The following OSBPL8 variants were observed in gnomAD, a reference collection of about 807,000 sequenced individuals.
OSBPL8 encodes oxysterol-binding protein-related protein 8.
Under a neutral mutation model 125.5 loss-of-function variants are expected in OSBPL8, and 59 were observed. The observed-to-expected ratio is 0.47, with a 90% CI of 0.38 to 0.58. OSBPL8 has a LOEUF of 0.58. Among genes scored for constraint, OSBPL8 ranks in the 20% least tolerant of loss-of-function variants. The pLI is 0.00. For synonymous variants in OSBPL8, 330 were observed against 338.9 expected (o/e 0.97, Z 0.29); for missense variants, 758 against 1,047.8 (o/e 0.72, Z 3.82).
At chr12:76,449,038 T>C (rs899089313) in intron 4 of OSBPL8, among the ~76,000 whole-genome samples, 5 of 151,962 alleles carry the variant, frequency 3.3e-5, no homozygotes, top group Admixed American at 1.3e-4. Flanking sequence ...AAGTAGAAAA[T>C]GATCATGTAA....
At position 76,389,782 on chromosome 12, in the gene OSBPL8, G is replaced by A. The variant is rs748495928; in HGVS notation, c.1215C>T (p.Ser405=). The A allele has an allele frequency of 9.5e-6, 15 of 1,575,112 alleles. No homozygotes were observed. The highest frequency in any genetic ancestry group is 1.3e-5 in the Non-Finnish European group (15 of 1,159,446). ...QTETVSEENK[S]LIWTLLKQVR... Reference sequence around the variant, plus strand: ...CTTGTTTCAATAGTGTCCAGATAAGGCTTTTGTTTTCTTCAGATACAGTTT... The same window carrying A: ...CTTGTTTCAATAGTGTCCAGATAAGACTTTTGTTTTCTTCAGATACAGTTT... The change falls in exon 12 of 24, where the codon AGC becomes AGT. Residue 405 remains serine, a synonymous_variant. Transcript: ENST00000261183.
intron 2 of OSBPL8, among the ~76,000 whole-genome samples, chr12:76,463,365 G>C (rs980021447): frequency 6.6e-6 from 1 of 152,202 alleles, no homozygotes; most frequent in African/African-American, 2.4e-5. Flanking sequence ...AAGATAGTGA[G>C]AGCAGCTAGT....
intron 1 of OSBPL8, among the ~76,000 whole-genome samples, chr12:76,548,867 G>A (rs1392558666): frequency 6.6e-6 from 1 of 151,998 alleles, no homozygotes; most frequent in Non-Finnish European, 1.5e-5. Flanking sequence ...AGGCACATAA[G>A]GAAAACTGAG....
intron 1 of OSBPL8, among the ~76,000 whole-genome samples, chr12:76,487,856 C>T (rs1000890296): frequency 6.6e-6 from 1 of 151,896 alleles, no homozygotes; most frequent in African/African-American, 2.4e-5. Flanking sequence ...CATGAGACTG[C>T]CTAAAATTTG....
intron 5 of OSBPL8, among the ~76,000 whole-genome samples, chr12:76,403,757 C>T (rs936077099): frequency 2.0e-5 from 3 of 152,134 alleles, no homozygotes; most frequent in African/African-American, 4.8e-5. Flanking sequence ...AAATGTTGAG[C>T]GGCCAGATGT....
At chr12:76,465,301 C>G (rs1229441874) in intron 2 of OSBPL8, among the ~76,000 whole-genome samples, 1 of 152,158 alleles carries the variant, frequency 6.6e-6, no homozygotes, top group South Asian at 2.1e-4. Flanking sequence ...TGGCTCACGC[C>G]TGTAATCCCA....
chr12:76,522,971 G>T (rs1950065668), intron 1 of OSBPL8, among the ~76,000 whole-genome samples: 1 of 152,162 alleles, frequency 6.6e-6, no homozygotes, highest in African/African-American at 2.4e-5. Flanking sequence ...CCAAGTAGCT[G>T]CGACTACAGG....
At chr12:76,460,080 A>T (rs1874532874) in intron 2 of OSBPL8, among the ~76,000 whole-genome samples, 185 bp from the exon 3 acceptor site, 1 of 152,242 alleles carries the variant, frequency 6.6e-6, no homozygotes, top group Non-Finnish European at 1.5e-5. Flanking sequence ...CCTTTTCCAC[A>T]CACAAAAAAA....
chr12:76,402,282 T>C (rs1255247289), intron 6 of OSBPL8, among the ~76,000 whole-genome samples: 1 of 152,190 alleles, frequency 6.6e-6, no homozygotes, highest in Non-Finnish European at 1.5e-5. Context: ...AATTAACTGT[T>C]GGGTCAAAAT....
intron 21 of OSBPL8, among the ~76,000 whole-genome samples, chr12:76,362,126 A>T (rs1241843441): frequency 1.3e-5 from 2 of 152,202 alleles, no homozygotes; most frequent in African/African-American, 4.8e-5. Flanking sequence ...GAGGCTTAAA[A>T]TTTTGTAACA....
intron 1 of OSBPL8, among the ~76,000 whole-genome samples, chr12:76,526,891 T>A (rs79080645): frequency 6.6e-6 from 1 of 151,992 alleles, no homozygotes; most frequent in East Asian, 1.9e-4. Flanking sequence ...CCTCAGGTGA[T>A]CCACCGTCTC....
chr12:76,432,332 T>C (rs1299112076), intron 4 of OSBPL8, among the ~76,000 whole-genome samples: 1 of 152,104 alleles, frequency 6.6e-6, no homozygotes, highest in Non-Finnish European at 1.5e-5. Flanking sequence ...ATGACTATAA[T>C]CCCAGCACTT....
rs146378911 is a variant in OSBPL8 at position 76,378,263 on chromosome 12, A to G, written c.1729+189T>C. 6.6e-3 allele frequency among the ~76,000 whole-genome samples: 1,003 copies of G among 152,154 alleles called. 6 individuals are homozygous for G. The highest frequency in any genetic ancestry group is 0.037 in the Middle Eastern group (11 of 294). ...GTACACATCACAAAGAGTCCATTAC[A>G]GGTGAATTAATTCACCGCAGAAATA... is the stretch of plus-strand genomic sequence containing the variant. On this transcript the variant is annotated intron_variant, in intron 16 of 23. Transcript: ENST00000261183.
Position 76,519,438 on chromosome 12 carries a change from G to A in OSBPL8, c.-67-31820C>T, listed in dbSNP as rs143214417. ...TCTAAGAAATTCCAAACTTTCCCCC[G>A]TCTTCCTGTCTTCTTCTGAGCCCAC... On this transcript the variant is annotated intron_variant, in intron 1 of 23. Coordinates refer to ENST00000261183, the MANE Select transcript of OSBPL8 (RefSeq NM_020841.5). Among the ~76,000 whole-genome samples, 19 of 152,032 alleles carry A rather than the reference G, an allele frequency of 1.2e-4. No homozygotes were observed. The East Asian group carries it at 1.4e-3, about 11-fold the overall frequency.
chr12:76,450,359 C>A (rs1873234758), intron 4 of OSBPL8, among the ~76,000 whole-genome samples: 1 of 152,090 alleles, frequency 6.6e-6, no homozygotes. Context: ...TAAACCATTA[C>A]CAACCTTCTC....
chr12:76,515,103 T>G (rs2137218743), intron 1 of OSBPL8, among the ~76,000 whole-genome samples: 1 of 152,348 alleles, frequency 6.6e-6, no homozygotes, highest in Non-Finnish European at 1.5e-5. Context: ...CTCCTGAATC[T>G]CAATGATATT....
intron 5 of OSBPL8, among the ~76,000 whole-genome samples, chr12:76,406,857 T>C (rs1425421947): frequency 6.6e-6 from 1 of 152,092 alleles, no homozygotes; most frequent in African/African-American, 2.4e-5. Flanking sequence ...ATGCAATTCT[T>C]CCACCTCAGC....
intron 2 of OSBPL8, among the ~76,000 whole-genome samples, chr12:76,471,893 C>CATTT (rs1183828704): frequency 6.6e-6 from 1 of 152,210 alleles, no homozygotes; most frequent in Non-Finnish European, 1.5e-5. Context: ...CAGGCAAATA[C>CATTT]CTAAGTTCCT....
rs1878874127 is a variant in OSBPL8, at chr12:76,492,919, T to C, written c.-67-5301A>G. Among the ~76,000 whole-genome samples the C allele has an allele frequency of 2.7e-5, 4 of 150,810 alleles. No individual in the cohort carries two copies. The South Asian group carries it at 8.3e-4, about 31-fold the overall frequency. On this transcript the variant is annotated intron_variant, in intron 1 of 23. Transcript: ENST00000261183. Reference sequence around the variant, plus strand: ...TGATACTATAGGATATATAGATATATATAGATATATATAGATATTTTTTTT... The same window carrying C: ...TGATACTATAGGATATATAGATATACATAGATATATATAGATATTTTTTTT...
Sources: allele counts gnomAD v4.1 joint callset (sites outside exome capture counted in the v4.1 genomes callset), GRCh38; gene constraint gnomAD v4.1.1; transcripts MANE v1.5; gene names NCBI Gene and HGNC (gene_info 2026-07-23, HGNC 2026-07-21).